AHRR: variants seen among roughly 807,000 people sequenced by gnomAD.
AHRR encodes the protein ahR repressor.
Under a neutral mutation model 44.0 loss-of-function variants are expected in AHRR, and 28 were observed. The observed-to-expected ratio is 0.64, with a 90% CI of 0.47 to 0.87. The LOEUF (loss-of-function observed/expected upper bound fraction) is 0.87. Ranked by LOEUF, AHRR falls within the 40% of genes least tolerant of loss-of-function variation. The pLI, the probability that AHRR is intolerant of heterozygous loss-of-function variation, is 0.00. For synonymous variants in AHRR, 434 were observed against 407.0 expected, an observed-to-expected ratio of 1.07 and a Z score of -0.80; for missense variants, 990 against 953.9, an observed-to-expected ratio of 1.04 and a Z score of -0.50.
intron 2 of AHRR, among the ~76,000 whole-genome samples, chr5:348,970 C>T (rs892713128): frequency 8.5e-5 from 13 of 152,234 alleles, no homozygotes; most frequent in African/African-American, 2.4e-4. Flanking sequence ...GCATCCCCGC[C>T]GGTGCGTGGT....
rs1331564144 is a variant in AHRR, at chr5:370,062, C to T, written c.245-6548C>T. ...GCCCTCCCGGGCTCTTGCTGGTGCC[C>T]CATCCTCCCGGGCCCTCGCTGGAAG... On this transcript the variant is annotated intron_variant, in intron 3 of 10. Transcript: ENST00000684583. This position sits in a 1 kb window ranked among gnomAD's most constrained non-coding sequence, Gnocchi z 4.5. Among the ~76,000 whole-genome samples the T allele has an allele frequency of 6.6e-6, 1 of 150,692 alleles. No individual in the cohort carries two copies. Among genetic ancestry groups the T allele is most frequent in the African/African-American group, 2.5e-5 (1 of 40,228 alleles).
intron 10 of AHRR, among the ~76,000 whole-genome samples, chr5:433,603 A>G (rs1419748659): frequency 6.6e-6 from 1 of 152,192 alleles, no homozygotes; most frequent in African/African-American, 2.4e-5. Context: ...CATCTCCCTG[A>G]AGCCTGCACC....
chr5:374,777 C>T (rs1471104185), intron 3 of AHRR, among the ~76,000 whole-genome samples: 1 of 152,252 alleles, frequency 6.6e-6, no homozygotes, highest in Non-Finnish European at 1.5e-5. Flanking sequence ...GTCAGCATCC[C>T]TGCAGCTGGT....
chr5:397,096 A>T (rs1480877714), intron 4 of AHRR, among the ~76,000 whole-genome samples: 1 of 104,966 alleles, frequency 9.5e-6, no homozygotes, highest in Non-Finnish European at 1.9e-5. Flanking sequence ...GTAGCCCCTG[A>T]CCATCCACGT....
chr5:432,309 G>T, intron 8 of AHRR, 154 bp from the exon 9 acceptor site: 1 of 689,944 alleles, frequency 1.4e-6, no homozygotes, highest in Non-Finnish European at 2.5e-6. Context: ...ACACTATAAA[G>T]AATTAAACAA....
At chr5:426,780 G>T (rs1426097332) in intron 7 of AHRR, among the ~76,000 whole-genome samples, 1 of 150,482 alleles carries the variant, frequency 6.6e-6, no homozygotes, top group Non-Finnish European at 1.5e-5. Context: ...ACAGATGGAT[G>T]AATGGATAGG....
At position 435,701 on chromosome 5, in the gene AHRR, G is replaced by GTTC. The variant is rs1213787957; in HGVS notation, c.*867_*868insTTC. 1.3e-5 allele frequency: 2 copies of GTTC among 152,370 alleles called. No homozygotes were observed. The highest frequency in any genetic ancestry group is 2.9e-5 in the Non-Finnish European group (2 of 68,048). The allele number at this position is 152,370 out of a possible 1,614,324, so 9.4% of individuals were successfully genotyped here. A position where few individuals can be genotyped will look rare whatever the true frequency, so the allele number is the denominator to read the frequency against. On this transcript the variant is annotated 3_prime_UTR_variant, in exon 11 of 11. Coordinates refer to ENST00000684583, the MANE Select transcript of AHRR (RefSeq NM_001377236.1). The stretch of plus-strand genomic sequence containing the variant: ...GAAGTACAGAGAAACACACAACGTA[G>GTTC]AGAGAAGACACAGGAAACTGCGCTG...
chr5:386,446 A>G (rs1008327077), intron 4 of AHRR, among the ~76,000 whole-genome samples: 1 of 152,248 alleles, frequency 6.6e-6, no homozygotes, highest in Non-Finnish European at 1.5e-5. Flanking sequence ...AAGAATCCTT[A>G]AAAGTAGAGA....
At chr5:390,817 C>T (rs1408732358) in intron 4 of AHRR, among the ~76,000 whole-genome samples, 3 of 152,158 alleles carry the variant, frequency 2.0e-5, no homozygotes, top group African/African-American at 7.2e-5. Flanking sequence ...GATCCAGAGA[C>T]AGAGACCTGG....
chr5:368,771 G>C (rs547642275), intron 3 of AHRR, among the ~76,000 whole-genome samples: 1 of 152,354 alleles, frequency 6.6e-6, no homozygotes, highest in East Asian at 1.9e-4. Flanking sequence ...GCATTCTCTT[G>C]ACCAGAGAAA....
chr5:323,104 C>T (rs534417503), intron 1 of AHRR, among the ~76,000 whole-genome samples: 3 of 152,318 alleles, frequency 2.0e-5, no homozygotes, highest in Admixed American at 6.5e-5. Context: ...AGGCCCCACC[C>T]GTGGTCCCCG....
intron 7 of AHRR, among the ~76,000 whole-genome samples, chr5:425,013 G>A (rs1244316314): frequency 6.6e-6 from 1 of 152,212 alleles, no homozygotes; most frequent in Non-Finnish European, 1.5e-5. Context: ...TCTCCTGGCT[G>A]CAATTCAATG....
chr5:328,502 C>T (rs1265535569), intron 1 of AHRR, among the ~76,000 whole-genome samples: 4 of 152,042 alleles, frequency 2.6e-5, no homozygotes, highest in African/African-American at 7.2e-5. Context: ...CCACCCACCT[C>T]GGCCTCCCAA....
Position 388,275 on chromosome 5 carries a change from C to T in AHRR, c.351+11559C>T, listed in dbSNP as rs79250643. Among the ~76,000 whole-genome samples, 1,979 of 152,314 alleles carry T rather than the reference C, an allele frequency of 0.013. 35 individuals carry two copies. Among genetic ancestry groups the T allele is most frequent in the African/African-American group, 0.045 (1,866 of 41,548 alleles). On this transcript the variant is annotated intron_variant, in intron 4 of 10. Transcript: ENST00000684583. The surrounding 1 kb of genome is among the most constrained non-coding windows in gnomAD (Gnocchi z 5.2). Reference sequence around the variant, plus strand: ...CAGAAACTCAGGCCTCCCCCCGTCCCGAACCCAAGCCCTGAACTGCTGTCG... The same window carrying T: ...CAGAAACTCAGGCCTCCCCCCGTCCTGAACCCAAGCCCTGAACTGCTGTCG...
intron 1 of AHRR, among the ~76,000 whole-genome samples, chr5:340,690 T>TATA (rs1560881649): frequency 5.1e-4 from 8 of 15,634 alleles, no homozygotes; most frequent in African/African-American, 2.5e-3. Context: ...ATATATATAT[T>TATA]TTTTTTTTTT....
intron 3 of AHRR, among the ~76,000 whole-genome samples, chr5:369,385 C>A (rs1463396637): frequency 6.6e-6 from 1 of 152,252 alleles, no homozygotes; most frequent in Non-Finnish European, 1.5e-5. Flanking sequence ...CTCCTGCCCA[C>A]AGCCTGAAGG....
chr5:417,198 A>G (rs1735864058), intron 5 of AHRR, among the ~76,000 whole-genome samples: 1 of 149,620 alleles, frequency 6.7e-6, no homozygotes, highest in Admixed American at 6.6e-5. Context: ...TGTCTAGAGA[A>G]GGTGGCTTGG....
intron 5 of AHRR, among the ~76,000 whole-genome samples, chr5:414,592 G>A (rs917626281): frequency 3.9e-5 from 6 of 152,184 alleles, no homozygotes; most frequent in African/African-American, 1.4e-4. Flanking sequence ...GTGAGCAGGA[G>A]CCAGCTGACA....
At chr5:344,405 TGCGGGG>T (rs372778264) in intron 2 of AHRR, among the ~76,000 whole-genome samples, 51 of 32,238 alleles carry the variant, frequency 1.6e-3, no homozygotes, top group Non-Finnish European at 2.2e-3. Context: ...TGGGGAGGGC[TGCGGGG>T]GTGTGTGCGG....
Sources: allele counts gnomAD v4.1 joint callset (sites outside exome capture counted in the v4.1 genomes callset), GRCh38; gene constraint gnomAD v4.1.1; non-coding constraint Gnocchi (gnomAD v3.1); transcripts MANE v1.5; gene names NCBI Gene and HGNC (gene_info 2026-07-23, HGNC 2026-07-21).